KANK1: variants seen among roughly 807,000 people sequenced by gnomAD.
KANK1 encodes the protein KN motif and ankyrin repeat domain-containing protein 1.
Under a neutral mutation model 106.2 loss-of-function variants are expected in KANK1, and 109 were observed. The observed-to-expected ratio is 1.03, with a 90% CI of 0.88 to 1.20. KANK1 has a LOEUF of 1.20. Among genes scored for constraint, KANK1 ranks in the 50% most tolerant of loss-of-function variants. The probability of loss-of-function intolerance (pLI) is 0.00; values close to 1 mark genes in which losing one functional copy is unlikely to be tolerated. For missense variants in KANK1, 2,399 were observed against 1,710.7 expected (o/e 1.40, Z -7.10); for synonymous variants, 873 against 652.2 (o/e 1.34, Z -5.16).
At chr9:570,634 T>C (rs1350531752) in intron 1 of KANK1, among the ~76,000 whole-genome samples, 1 of 152,238 alleles carries the variant, frequency 6.6e-6, no homozygotes, top group Non-Finnish European at 1.5e-5. Flanking sequence ...TGGAGACTTA[T>C]TCTCCTTTTT....
At position 712,636 on chromosome 9, in the gene KANK1, G is replaced by C. The variant is rs955419588; in HGVS notation, c.1870G>C (p.Glu624Gln). The C allele has an allele frequency of 1.9e-5, 31 of 1,614,068 alleles. No individual in the cohort carries two copies. Among genetic ancestry groups the C allele is most frequent in the African/African-American group, 2.7e-5 (2 of 74,924 alleles). ...CCTCAAGACAAACTTGAATCTCAAA[G>C]AAGTGCGGTCTATCGGTTGTGGAGA... Reference protein sequence around the residue: ...TLLKTNLNLKEVRSIGCGDCS... With the variant: ...TLLKTNLNLKQVRSIGCGDCS... Residue 624 changes from glutamate to glutamine, a missense_variant, in exon 3 of 12, where the codon GAA becomes CAA. Glu to Gln is a conservative substitution (Grantham distance 29). Transcript: ENST00000382297.
chr9:562,977 T>C (rs996796459), intron 1 of KANK1, among the ~76,000 whole-genome samples: 1 of 152,228 alleles, frequency 6.6e-6, no homozygotes, highest in Non-Finnish European at 1.5e-5. Context: ...AGTACTGCTA[T>C]TCATTCTTAC....
At chr9:523,830 C>A (rs563361624) in intron 1 of KANK1, among the ~76,000 whole-genome samples, 1 of 150,800 alleles carries the variant, frequency 6.6e-6, no homozygotes, top group East Asian at 1.9e-4. Flanking sequence ...TTTTTTTTTC[C>A]ATATCAAAAA....
At chr9:537,705 G>A (rs933812374) in intron 1 of KANK1, among the ~76,000 whole-genome samples, 1 of 152,156 alleles carries the variant, frequency 6.6e-6, no homozygotes, top group Non-Finnish European at 1.5e-5. Context: ...GCCCCCCAGG[G>A]GCATTTGGCA....
At chr9:588,338 T>C (rs1824015557) in intron 1 of KANK1, among the ~76,000 whole-genome samples, 1 of 152,212 alleles carries the variant, frequency 6.6e-6, no homozygotes, top group African/African-American at 2.4e-5. Context: ...TTATTTACTT[T>C]TAGAAATAAC....
At chr9:649,443 G>A (rs1472641391) in intron 1 of KANK1, among the ~76,000 whole-genome samples, 10 of 152,172 alleles carry the variant, frequency 6.6e-5, no homozygotes, top group South Asian at 2.1e-4. Flanking sequence ...TTGTACAGAT[G>A]TGTGATAACT....
At chr9:694,170 C>G (rs910274878) in intron 2 of KANK1, among the ~76,000 whole-genome samples, 3 of 152,098 alleles carry the variant, frequency 2.0e-5, no homozygotes, top group Non-Finnish European at 4.4e-5. Flanking sequence ...TGTATAAACA[C>G]TATAAAACAA....
chr9:662,189 A>C (rs1290259779), intron 1 of KANK1, among the ~76,000 whole-genome samples: 1 of 152,216 alleles, frequency 6.6e-6, no homozygotes, highest in African/African-American at 2.4e-5. Context: ...ACACAGACAA[A>C]TGGAAGAACA....
intron 1 of KANK1, among the ~76,000 whole-genome samples, chr9:667,394 A>T (rs1370681038): frequency 6.6e-6 from 1 of 150,800 alleles, no homozygotes; most frequent in African/African-American, 2.4e-5. Flanking sequence ...TAATGTTTTA[A>T]TCTCAATTTC....
At chr9:555,822 T>A (rs567047968) in intron 1 of KANK1, among the ~76,000 whole-genome samples, 1 of 152,312 alleles carries the variant, frequency 6.6e-6, no homozygotes, top group South Asian at 2.1e-4. Context: ...AAAATCCCTT[T>A]GAAATGCTAA....
chr9:716,979 T>A (rs1827879056), intron 3 of KANK1, among the ~76,000 whole-genome samples: 1 of 150,852 alleles, frequency 6.6e-6, no homozygotes, highest in African/African-American at 2.4e-5. Context: ...TGAGACCTTG[T>A]CTGTGGGTGG....
At chr9:720,019 A>C (rs964505646) in intron 3 of KANK1, among the ~76,000 whole-genome samples, 1 of 152,216 alleles carries the variant, frequency 6.6e-6, no homozygotes, top group Non-Finnish European at 1.5e-5. Context: ...ATATATGGAT[A>C]ATTATAAAAG....
intron 1 of KANK1, among the ~76,000 whole-genome samples, chr9:663,403 C>T (rs1372331668): frequency 1.3e-5 from 2 of 152,126 alleles, no homozygotes; most frequent in African/African-American, 2.4e-5. Context: ...GGTCTGTTTT[C>T]CCTAAATCTA....
intron 1 of KANK1, among the ~76,000 whole-genome samples, chr9:588,814 A>G (rs1824151539): frequency 1.3e-5 from 2 of 152,168 alleles, no homozygotes; most frequent in African/African-American, 4.8e-5. Context: ...AAATGAAAAT[A>G]GTAATAAAAG....
At chr9:686,095 C>T (rs1217075042) in intron 2 of KANK1, among the ~76,000 whole-genome samples, 2 of 152,154 alleles carry the variant, frequency 1.3e-5, no homozygotes, top group African/African-American at 4.8e-5. Context: ...ATGCCCAGTG[C>T]TTAATATCTT....
At chr9:600,706 C>G (rs57396250) in intron 1 of KANK1, among the ~76,000 whole-genome samples, 1 of 151,754 alleles carries the variant, frequency 6.6e-6, no homozygotes, top group African/African-American at 2.4e-5. Context: ...TTCATTATCC[C>G]TCCACCCATT....
At chr9:743,968 T>C (rs1271177311) in intron 10 of KANK1, among the ~76,000 whole-genome samples, 1 of 152,238 alleles carries the variant, frequency 6.6e-6, no homozygotes, top group East Asian at 1.9e-4. Flanking sequence ...TGAAGCTTTT[T>C]TCACCCATAT....
At chr9:597,857 G>T (rs902968359) in intron 1 of KANK1, among the ~76,000 whole-genome samples, 1 of 151,006 alleles carries the variant, frequency 6.6e-6, no homozygotes, top group African/African-American at 2.5e-5. Flanking sequence ...GTAGAGATGG[G>T]GTTTCACCGT....
In KANK1 at chr9:713,230, G is replaced by T. The variant is rs1826701726; in HGVS notation, c.2464G>T (p.Gly822Cys). ...TCAAGCTCCACTTGGAATGATGACT[G>T]GCCTGGATCACTACATTGAGCGTAT... The part of the protein sequence containing the change: ...QPQAPLGMMT[G>C]LDHYIERIQK... The change falls in exon 3 of 12, where the codon GGC becomes TGC. Residue 822 changes from glycine (G) to cysteine (C), a missense_variant. Gly to Cys is a radical substitution (Grantham distance 159). Coordinates refer to ENST00000382297, the MANE Select transcript of KANK1 (RefSeq NM_015158.5). The T allele has an allele frequency of 1.2e-6, 2 of 1,602,798 alleles. No individual in the cohort carries two copies. Among genetic ancestry groups the T allele is most frequent in the South Asian group, 1.1e-5 (1 of 88,336 alleles).
Sources: gnomAD v4.1 joint callset for allele counts (sites outside exome capture counted in the v4.1 genomes callset) on GRCh38, gnomAD v4.1.1 for gene constraint, MANE v1.5 for transcripts, NCBI Gene and HGNC (gene_info 2026-07-23, HGNC 2026-07-21) for gene names.